ZDHHC3: variants seen among roughly 807,000 people sequenced by gnomAD.
ZDHHC3 encodes palmitoyltransferase ZDHHC3.
In ZDHHC3, 9 loss-of-function variants were observed where a neutral mutation model predicts 30.6. The ratio of observed to expected loss-of-function variants is 0.29; its 90% CI spans 0.18 to 0.51. The LOEUF is 0.51. Among genes scored for constraint, ZDHHC3 ranks in the 20% least tolerant of loss-of-function variants. The probability of loss-of-function intolerance (pLI) is 0.97; values close to 1 mark genes in which losing one functional copy is unlikely to be tolerated. For synonymous variants in ZDHHC3, 136 were observed against 140.2 expected, an observed-to-expected ratio of 0.97 and a Z score of 0.21; for missense variants, 246 against 384.2, an observed-to-expected ratio of 0.64 and a Z score of 3.01.
chr3:44,926,472 C>G lies in ZDHHC3; in HGVS notation c.*217G>C. On this transcript the variant is annotated 3_prime_UTR_variant, in exon 7 of 7. Coordinates refer to ENST00000424952, the MANE Select transcript of ZDHHC3 (RefSeq NM_001135179.2). Reference sequence around the variant, plus strand: ...TGATTTTAAAAGGAAAAGAGAGCAGCTTCGGTCACCAAAAGAAATCGAAAG... The same window carrying G: ...TGATTTTAAAAGGAAAAGAGAGCAGGTTCGGTCACCAAAAGAAATCGAAAG... The G allele has an allele frequency of 7.8e-7, 1 of 1,279,866 alleles. No homozygotes were observed. The highest frequency in any genetic ancestry group is 9.8e-7 in the Non-Finnish European group (1 of 1,016,572). The allele number at this position is 1,279,866 out of a possible 1,614,324, so 79.3% of individuals were successfully genotyped here. A position where few individuals can be genotyped will look rare whatever the true frequency, so the allele number is the denominator to read the frequency against.
In ZDHHC3 at chr3:44,926,307, C is replaced by T. The variant is rs528863785; in HGVS notation, c.*382G>A. On this transcript the variant is annotated 3_prime_UTR_variant, in exon 7 of 7. Transcript: ENST00000424952. ...GGCCCTCCTGGCTTTCCCATGCATC[C>T]CCCACCAGGTGTCCAGACTATTCCA... 3 of 991,784 alleles carry T rather than the reference C, an allele frequency of 3.0e-6. No individual in the cohort carries two copies. In the African/African-American group the frequency reaches 5.2e-5, roughly 17 times the overall value. The allele number at this position is 991,784 out of a possible 1,614,324, so 61.4% of individuals were successfully genotyped here.
chr3:44,956,192 G>A (rs1333112324), intron 2 of ZDHHC3, among the ~76,000 whole-genome samples: 1 of 152,180 alleles, frequency 6.6e-6, no homozygotes, highest in Admixed American at 6.5e-5. Flanking sequence ...AGGGCAGAAG[G>A]CTCCCCTCTC....
At chr3:44,927,709 C>A (rs1410850807) in intron 6 of ZDHHC3, among the ~76,000 whole-genome samples, 1 of 152,240 alleles carries the variant, frequency 6.6e-6, no homozygotes, top group Admixed American at 6.5e-5. Context: ...CTCCCTCTCT[C>A]TCTTCTTCAG....
At chr3:44,966,770 A>G (rs1478189438) in intron 1 of ZDHHC3, among the ~76,000 whole-genome samples, 3 of 152,226 alleles carry the variant, frequency 2.0e-5, no homozygotes, top group Non-Finnish European at 4.4e-5. Context: ...TTTTATGCCC[A>G]CTTTTTAGAT....
At chr3:44,974,274 T>C (rs1242466545) in intron 1 of ZDHHC3, among the ~76,000 whole-genome samples, 1 of 152,234 alleles carries the variant, frequency 6.6e-6, no homozygotes, top group Admixed American at 6.5e-5. Flanking sequence ...GGGGGACAGT[T>C]CAAATACATG....
At chr3:44,931,763 C>T (rs1701508620) in intron 5 of ZDHHC3, among the ~76,000 whole-genome samples, 1 of 152,210 alleles carries the variant, frequency 6.6e-6, no homozygotes, top group Admixed American at 6.5e-5. Context: ...AATCTTGCTC[C>T]AGACCTAGGC....
chr3:44,957,832 G>A (rs1055916536), intron 2 of ZDHHC3, among the ~76,000 whole-genome samples: 1 of 152,186 alleles, frequency 6.6e-6, no homozygotes, highest in African/African-American at 2.4e-5. Context: ...TAGACAGAGG[G>A]CATCTTGAGG....
intron 6 of ZDHHC3, among the ~76,000 whole-genome samples, chr3:44,927,538 G>GTGGCATGGCCAGGCCAGCCAGCA (rs1393162655): frequency 4.0e-4 from 61 of 152,332 alleles, no homozygotes; most frequent in Admixed American, 8.5e-4. Context: ...AGGTTAGAGG[G>GTGGCATGGCCAGGCCAGCCAGCA]TGGCATGGCC....
intron 5 of ZDHHC3, among the ~76,000 whole-genome samples, chr3:44,930,318 G>A (rs1701383655): frequency 6.6e-6 from 1 of 152,214 alleles, no homozygotes; most frequent in Non-Finnish European, 1.5e-5. Flanking sequence ...GGGTGAGCAG[G>A]GAGGGGAAGG....
chr3:44,958,627 C>G, intron 2 of ZDHHC3: 1 of 1,536,118 alleles, frequency 6.5e-7, no homozygotes, highest in Non-Finnish European at 8.7e-7. Flanking sequence ...GCTTGTCCAG[C>G]TTTTCAGGAA....
Position 44,922,859 on chromosome 3 carries a change from A to C in ZDHHC3, c.*3830T>G, listed in dbSNP as rs1700701066. 1 of 985,178 alleles carries C rather than the reference A, an allele frequency of 1.0e-6. No homozygotes were observed. Among genetic ancestry groups the C allele is most frequent in the Admixed American group, 6.2e-5 (1 of 16,248 alleles). The allele number at this position is 985,178 out of a possible 1,614,324, so 61.0% of individuals were successfully genotyped here. A position where few individuals can be genotyped will look rare whatever the true frequency, so the allele number is the denominator to read the frequency against. Reference sequence around the variant, plus strand: ...CAAGAACACCTTTGAGGAGGATTCTAGCAAAATCTTTCTCTTTTCACATTT... The same window carrying C: ...CAAGAACACCTTTGAGGAGGATTCTCGCAAAATCTTTCTCTTTTCACATTT... On this transcript the variant is annotated 3_prime_UTR_variant, in exon 7 of 7. Coordinates refer to ENST00000424952, the MANE Select transcript of ZDHHC3 (RefSeq NM_001135179.2).
intron 5 of ZDHHC3, 136 bp from the exon 6 acceptor site, chr3:44,929,572 T>C: frequency 3.4e-6 from 4 of 1,193,100 alleles, no homozygotes; most frequent in Non-Finnish European, 3.5e-6. Context: ...GTCTCTGGCC[T>C]CCAGGCTACG....
chr3:44,931,666 C>T (rs995502045), intron 5 of ZDHHC3, among the ~76,000 whole-genome samples: 1 of 152,210 alleles, frequency 6.6e-6, no homozygotes, highest in African/African-American at 2.4e-5. Flanking sequence ...GTGCCTGAAG[C>T]TCACTCCATC....
intron 2 of ZDHHC3, among the ~76,000 whole-genome samples, chr3:44,958,259 A>C (rs1208119747): frequency 3.9e-5 from 6 of 152,112 alleles, no homozygotes; most frequent in Admixed American, 1.3e-4. Flanking sequence ...CAGGAAATGG[A>C]GCCCTTTGAG....
Position 44,922,655 on chromosome 3 carries a change from T to C in ZDHHC3, c.*4034A>G. 1.0e-6 allele frequency: 1 copy of C among 985,374 alleles called. No individual in the cohort carries two copies. Among genetic ancestry groups the C allele is most frequent in the Non-Finnish European group, 1.2e-6 (1 of 829,916 alleles). 61.0% of individuals were successfully genotyped at this position (985,374 alleles called of 1,614,324 possible). A position where few individuals can be genotyped will look rare whatever the true frequency, so the allele number is the denominator to read the frequency against. The stretch of plus-strand genomic sequence containing the variant: ...CAGGGACCACCTGAGGGGGGACTCC[T>C]GCTAGCCCCAACTGGATTCTCAAAC... On this transcript the variant is annotated 3_prime_UTR_variant, in exon 7 of 7. Coordinates refer to ENST00000424952, the MANE Select transcript of ZDHHC3 (RefSeq NM_001135179.2).
At chr3:44,929,484 G>A (rs202055829) in intron 5 of ZDHHC3, 48 bp from the exon 6 acceptor site, 2 of 1,604,092 alleles carry the variant, frequency 1.2e-6, no homozygotes, top group East Asian at 4.5e-5. Context: ...CCCACTGCCT[G>A]CTGCCCAGGC....
chr3:44,933,185 G>A lies in ZDHHC3; in HGVS notation c.543C>T (p.Leu181=). The A allele has an allele frequency of 6.2e-7, 1 of 1,614,184 alleles. No individual in the cohort carries two copies. Among genetic ancestry groups the A allele is most frequent in the Non-Finnish European group, 8.5e-7 (1 of 1,180,018 alleles). ...YFVLFTMYIA[L]ISLHALIMVG... ...CCATGATGAGGGCGTGCAAGGAAAT[G>A]AGAGCTATGTACATCTGAAACAGGA... The change falls in exon 5 of 7, where the codon CTC becomes CTT. Residue 181 remains leucine, a synonymous_variant. Coordinates refer to ENST00000424952, the MANE Select transcript of ZDHHC3 (RefSeq NM_001135179.2).
In ZDHHC3 at chr3:44,917,862, T is replaced by G; in HGVS notation, c.*8827A>C. The G allele has an allele frequency of 2.3e-6, 3 of 1,292,404 alleles. No individual in the cohort carries two copies. Among genetic ancestry groups the G allele is most frequent in the Non-Finnish European group, 2.0e-6 (2 of 986,668 alleles). The allele number at this position is 1,292,404 out of a possible 1,614,324, so 80.1% of individuals were successfully genotyped here. A position where few individuals can be genotyped will look rare whatever the true frequency, so the allele number is the denominator to read the frequency against. On this transcript the variant is annotated 3_prime_UTR_variant, in exon 7 of 7. Transcript: ENST00000424952. ...CCCCAGGATGAAGGTTGACAGCACT[T>G]TTTAGTGTTTGCTTCTCTCCCCACA...
Position 44,924,685 on chromosome 3 carries a change from C to T in ZDHHC3, c.*2004G>A. 1.0e-6 allele frequency: 1 copy of T among 985,446 alleles called. No homozygotes were observed. The highest frequency in any genetic ancestry group is 1.2e-6 in the Non-Finnish European group (1 of 829,942). The allele number at this position is 985,446 out of a possible 1,614,324, so 61.0% of individuals were successfully genotyped here. On this transcript the variant is annotated 3_prime_UTR_variant, in exon 7 of 7. Coordinates refer to ENST00000424952, the MANE Select transcript of ZDHHC3 (RefSeq NM_001135179.2). ...AAGATGGAGTATTACCAATCTCTTC[C>T]CCCTAGGGGAGGGCCAGAGCTGTAG...
Sources: allele counts gnomAD v4.1 joint callset (sites outside exome capture counted in the v4.1 genomes callset), GRCh38; gene constraint gnomAD v4.1.1; transcripts MANE v1.5; gene names NCBI Gene and HGNC (gene_info 2026-07-23, HGNC 2026-07-21).